The following KANSL1 variants were observed in gnomAD, a reference collection of about 807,000 sequenced individuals.
KANSL1 encodes MLL1/MLL complex subunit KANSL1.
A neutral mutation model predicts 103.6 loss-of-function variants in KANSL1; 22 were observed. That is an observed-to-expected ratio of 0.21 (90% confidence interval 0.15 to 0.30). The LOEUF (loss-of-function observed/expected upper bound fraction) is 0.30, where lower values mean the gene tolerates loss of function less well. KANSL1 is among the 10% of genes least tolerant of loss of function. KANSL1 has a pLI of 1.00. For missense variants in KANSL1, 1,337 were observed against 1,399.8 expected, an observed-to-expected ratio of 0.96 and a Z score of 0.72; for synonymous variants, 600 against 527.6, an observed-to-expected ratio of 1.14 and a Z score of -1.88.
intron 2 of KANSL1, among the ~76,000 whole-genome samples, chr17:46,159,445 C>T (rs1322954168): frequency 1.3e-5 from 2 of 152,196 alleles, no homozygotes; most frequent in African/African-American, 2.4e-5. Flanking sequence ...CTTGCCAAAT[C>T]AATAAAAATA....
Position 46,096,488 on chromosome 17 carries a change from T to C in KANSL1, c.1290-1787A>G, listed in dbSNP as rs1386136315. On this transcript the variant is annotated intron_variant, in intron 2 of 14. Coordinates refer to ENST00000432791, the MANE Select transcript of KANSL1 (RefSeq NM_015443.4). The stretch of plus-strand genomic sequence containing the variant: ...GGCATGCGCCACCATGCCCGGCTAA[T>C]TTTGTATTTTTAGTAGACACGGGGT... Among the ~76,000 whole-genome samples, 4 of 147,824 alleles carry C rather than the reference T, an allele frequency of 2.7e-5. No individual in the cohort carries two copies. In the East Asian group the frequency reaches 7.9e-4, roughly 29 times the overall value.
intron 2 of KANSL1, among the ~76,000 whole-genome samples, chr17:46,139,997 C>A (rs1203462409): frequency 6.6e-6 from 1 of 152,090 alleles, no homozygotes; most frequent in Non-Finnish European, 1.5e-5. Context: ...TTTTACTACA[C>A]CAAAAAAGCT....
At chr17:46,180,889 A>G (rs1034507549) in intron 1 of KANSL1, among the ~76,000 whole-genome samples, 2 of 152,198 alleles carry the variant, frequency 1.3e-5, no homozygotes, top group African/African-American at 4.8e-5. Flanking sequence ...ATGTATATGT[A>G]TATATAAAAT....
chr17:46,162,328 A>T (rs193135494), intron 2 of KANSL1, among the ~76,000 whole-genome samples: 98 of 152,378 alleles, frequency 6.4e-4, no homozygotes, highest in African/African-American at 2.3e-3. Context: ...CCATCCATTT[A>T]TAACAGAATG....
At chr17:46,216,732 T>C (rs1194872697) in intron 1 of KANSL1, among the ~76,000 whole-genome samples, 1 of 152,242 alleles carries the variant, frequency 6.6e-6, no homozygotes, top group Non-Finnish European at 1.5e-5. Flanking sequence ...TTCCTATGTG[T>C]AGGTGTCGAG....
Position 46,171,241 on chromosome 17 carries a change from T to C in KANSL1, c.903A>G (p.Leu301=). ...CTTGCACAACCTGTAAGCGCTTTTG[T>C]AATCTGCGGGCACGGCTCTCAATGT... ...QADIESRARR[L]QKRLQVVQAK... The change falls in exon 2 of 15, where the codon TTA becomes TTG. Residue 301 remains leucine (L), a synonymous_variant. Coordinates refer to ENST00000432791, the MANE Select transcript of KANSL1 (RefSeq NM_015443.4). 1 of 1,614,098 alleles carries C rather than the reference T, an allele frequency of 6.2e-7. No homozygotes were observed.
Position 46,067,539 on chromosome 17 carries a change from T to G in KANSL1, c.1652+10A>C, listed in dbSNP as rs1163350467. ...TACTAAGTGTAGGAAGTAGAAGAGC[T>G]AAAACTTACGTGTTAATAACTCCAT... is the stretch of plus-strand genomic sequence containing the variant. On this transcript the variant is annotated intron_variant, in intron 5 of 14. Coordinates refer to ENST00000432791, the MANE Select transcript of KANSL1 (RefSeq NM_015443.4). 2.0e-6 allele frequency: 3 copies of G among 1,510,296 alleles called. No homozygotes were observed. In the African/African-American group the frequency reaches 4.1e-5, roughly 21 times the overall value. 93.6% of individuals were successfully genotyped at this position (1,510,296 alleles called of 1,614,324 possible). A position where few individuals can be genotyped will look rare whatever the true frequency, so the allele number is the denominator to read the frequency against.
At chr17:46,120,645 TA>T (rs1400543662) in intron 2 of KANSL1, among the ~76,000 whole-genome samples, 2 of 152,190 alleles carry the variant, frequency 1.3e-5, no homozygotes, top group African/African-American at 4.8e-5. Context: ...TATTTTAAAG[TA>T]ATTTGAGGTT....
intron 2 of KANSL1, among the ~76,000 whole-genome samples, chr17:46,149,365 G>A (rs1474712406): frequency 6.6e-6 from 1 of 152,218 alleles, no homozygotes; most frequent in Non-Finnish European, 1.5e-5. Flanking sequence ...AGGAAGGCAT[G>A]GGTTTATACC....
intron 6 of KANSL1, among the ~76,000 whole-genome samples, chr17:46,061,601 T>A (rs767292329): frequency 7.9e-5 from 12 of 152,324 alleles, no homozygotes; most frequent in South Asian, 6.2e-4. Context: ...AATTATGATT[T>A]AGGAAGTACT....
At chr17:46,135,837 G>C (rs1341371533) in intron 2 of KANSL1, among the ~76,000 whole-genome samples, 1 of 150,670 alleles carries the variant, frequency 6.6e-6, no homozygotes, top group Admixed American at 6.7e-5. Context: ...GGCCTATATT[G>C]CTATCTTAAA....
intron 2 of KANSL1, among the ~76,000 whole-genome samples, chr17:46,103,032 G>A (rs2042387241): frequency 6.6e-6 from 1 of 152,190 alleles, no homozygotes; most frequent in African/African-American, 2.4e-5. Flanking sequence ...GAACTGTGGT[G>A]TGTCACAAAG....
chr17:46,193,043 G>A lies in KANSL1; in HGVS notation c.-310C>T, dbSNP rs992829446. 6.5e-5 allele frequency: 10 copies of A among 153,150 alleles called. No homozygotes were observed. The highest frequency in any genetic ancestry group is 2.4e-4 in the African/African-American group (10 of 41,380). 9.5% of individuals were successfully genotyped at this position (153,150 alleles called of 1,614,324 possible). On this transcript the variant is annotated 5_prime_UTR_variant, in exon 1 of 15. Transcript: ENST00000432791. ...AGGGGGAGGGGAAGGCGGCGGCGGG[G>A]AGCGGCTGCTTTTTCTTCTCTTTCG...
intron 2 of KANSL1, among the ~76,000 whole-genome samples, chr17:46,143,783 G>A (rs1008199410): frequency 4.2e-4 from 55 of 131,540 alleles, no homozygotes; most frequent in Admixed American, 4.3e-4. Context: ...CAGCCTGGGC[G>A]ACAGAGCGAG....
chr17:46,185,208 C>G (rs2046963544), intron 1 of KANSL1, among the ~76,000 whole-genome samples: 2 of 152,204 alleles, frequency 1.3e-5, no homozygotes, highest in South Asian at 4.1e-4. Flanking sequence ...TGGCAGACAG[C>G]AGACCAACAC....
At chr17:46,179,474 A>G (rs941678612) in intron 1 of KANSL1, among the ~76,000 whole-genome samples, 1 of 152,252 alleles carries the variant, frequency 6.6e-6, no homozygotes, top group African/African-American at 2.4e-5. Context: ...CTTGCACTGA[A>G]AGCAAAAGCA....
intron 1 of KANSL1, among the ~76,000 whole-genome samples, chr17:46,183,918 A>C (rs1286187074): frequency 1.3e-5 from 2 of 152,216 alleles, no homozygotes; most frequent in Non-Finnish European, 2.9e-5. Context: ...CTCCAAAAAA[A>C]CAAAAAGAAA....
intron 1 of KANSL1, among the ~76,000 whole-genome samples, chr17:46,208,608 C>T (rs943970796): frequency 1.4e-5 from 2 of 145,558 alleles, no homozygotes; most frequent in Non-Finnish European, 3.0e-5. Flanking sequence ...CAGAGGGAGA[C>T]CCTGTCTCAA....
chr17:46,142,059 T>C (rs1367274825), intron 2 of KANSL1, among the ~76,000 whole-genome samples: 1 of 152,192 alleles, frequency 6.6e-6, no homozygotes, highest in Non-Finnish European at 1.5e-5. Flanking sequence ...TGGCTAATTT[T>C]TTTGTATTTT....
Sources: gnomAD v4.1 joint callset for allele counts (sites outside exome capture counted in the v4.1 genomes callset) on GRCh38, gnomAD v4.1.1 for gene constraint, MANE v1.5 for transcripts, NCBI Gene and HGNC (gene_info 2026-07-23, HGNC 2026-07-21) for gene names.